Variants in TRAK2 observed in about 807,000 individuals in gnomAD.
TRAK2 encodes trafficking kinesin protein 2, also known as trafficking kinesin-binding protein 2.
Under a neutral mutation model 104.6 loss-of-function variants are expected in TRAK2, and 81 were observed. The observed-to-expected ratio is 0.77, with a 90% CI of 0.65 to 0.93. TRAK2 has a LOEUF of 0.93. TRAK2 is among the 40% of genes least tolerant of loss of function. TRAK2 has a pLI of 0.00. For synonymous variants in TRAK2, 406 were observed against 394.4 expected (o/e 1.03, Z -0.35); for missense variants, 1,002 against 1,089.0 (o/e 0.92, Z 1.12).
chr2:201,400,102 C>T (rs1285137126), intron 4 of TRAK2, among the ~76,000 whole-genome samples: 1 of 150,122 alleles, frequency 6.7e-6, no homozygotes, highest in Non-Finnish European at 1.5e-5. Context: ...AGGATTCTGC[C>T]TAGAGTATAG....
chr2:201,411,521 A>G (rs1951647081), intron 2 of TRAK2: 1 of 747,280 alleles, frequency 1.3e-6, no homozygotes, highest in African/African-American at 1.7e-5. Flanking sequence ...TCTTATGTTC[A>G]GACTCCAACC....
chr2:201,443,834 T>C lies in TRAK2; in HGVS notation c.-200+7516A>G, dbSNP rs146447079. Among the ~76,000 whole-genome samples the C allele has an allele frequency of 1.5e-3, 225 of 152,298 alleles. 7 individuals are homozygous for C. The East Asian group carries it at 0.038, about 26-fold the overall frequency. On this transcript the variant is annotated intron_variant, in intron 1 of 15. Transcript: ENST00000332624. The stretch of plus-strand genomic sequence containing the variant: ...CCTAACAAGGCTCCATGCTTAATCA[T>C]GGCCTTAAACAGGGTTCTTCTCCAT...
intron 2 of TRAK2, chr2:201,411,770 G>A: frequency 3.8e-6 from 3 of 791,080 alleles, no homozygotes; most frequent in Non-Finnish European, 7.0e-6. Flanking sequence ...ACTTATCCAA[G>A]TATTCCAAAA....
chr2:201,398,381 A>C (rs1475759705), intron 5 of TRAK2, 27 bp from the exon 6 acceptor site: 2 of 1,586,182 alleles, frequency 1.3e-6, no homozygotes, highest in South Asian at 2.2e-5. Flanking sequence ...CTTGATTTTC[A>C]TGTTCTTTAT....
At chr2:201,395,504 TATGACTTGTG>T in intron 7 of TRAK2, 60 bp from the exon 8 acceptor site, 1 of 1,442,956 alleles carries the variant, frequency 6.9e-7, no homozygotes. Context: ...GTTGGCAAAC[TATGACTTGTG>T]AGCTAAATCT....
intron 4 of TRAK2, among the ~76,000 whole-genome samples, chr2:201,400,748 A>T (rs913881608): frequency 3.3e-5 from 5 of 150,326 alleles, no homozygotes; most frequent in African/African-American, 1.2e-4. Flanking sequence ...TTTTAAAATG[A>T]TTTTTTTTTT....
chr2:201,384,010 T>C, intron 15 of TRAK2, 101 bp downstream of exon 15: 1 of 771,100 alleles, frequency 1.3e-6, no homozygotes, highest in Non-Finnish European at 2.2e-6. Flanking sequence ...AGAACATTAA[T>C]TAACATTCTG....
chr2:201,384,541 G>A (rs759422232), intron 14 of TRAK2, among the ~76,000 whole-genome samples: 1 of 152,084 alleles, frequency 6.6e-6, no homozygotes, highest in African/African-American at 2.4e-5. Context: ...GGTTCTCAAA[G>A]TGTGGTCTGC....
At chr2:201,394,983 T>G (rs1182065582) in intron 8 of TRAK2, 111 bp from the exon 9 acceptor site, 1 of 944,472 alleles carries the variant, frequency 1.1e-6, no homozygotes, top group African/African-American at 1.7e-5. Flanking sequence ...TCTTAAAGCC[T>G]ACAAAAAGCT....
chr2:201,434,149 G>A (rs1310405033), intron 1 of TRAK2, among the ~76,000 whole-genome samples: 1 of 152,024 alleles, frequency 6.6e-6, no homozygotes, highest in Non-Finnish European at 1.5e-5. Context: ...AGTAGAGACG[G>A]GGTTTCACCG....
In TRAK2 at chr2:201,380,604, C is replaced by G; in HGVS notation, c.2684G>C (p.Gly895Ala). Residue 895 changes from glycine to alanine, a missense_variant, in exon 16 of 16, where the codon GGT becomes GCT. Transcript: ENST00000332624. ...TGTGCAAACTGGGGCAGCAAAGCTA[C>G]CCATTATGACTGGAAGACTCTGATT... ...RRNQSLPVIM[G>A]SFAAPVCTSS... 1 of 1,613,960 alleles carries G rather than the reference C, an allele frequency of 6.2e-7. No individual in the cohort carries two copies. The highest frequency in any genetic ancestry group is 1.1e-5 in the South Asian group (1 of 91,058).
At position 201,394,833 on chromosome 2, in the gene TRAK2, C is replaced by G. The variant is rs1395819486; in HGVS notation, c.940G>C (p.Ala314Pro). Residue 314 changes from alanine (A) to proline (P), a missense_variant, in exon 9 of 16, where the codon GCT (alanine) becomes CCT (proline). By Grantham distance (27) the Ala-to-Pro change is conservative. Coordinates refer to ENST00000332624, the MANE Select transcript of TRAK2 (RefSeq NM_015049.3). ...EKEELKLHLQ[A>P]SKDAQRQLTM... ...AGTTGCCGTTGGGCATCTTTGGAAG[C>G]TTGCAGGTGAAGTTTTAGTTCTTCC... The G allele has an allele frequency of 6.2e-7, 1 of 1,614,012 alleles. No homozygotes were observed.
At chr2:201,403,376 T>C (rs1170380557) in intron 3 of TRAK2, among the ~76,000 whole-genome samples, 1 of 152,148 alleles carries the variant, frequency 6.6e-6, no homozygotes, top group Non-Finnish European at 1.5e-5. Flanking sequence ...AATTTTAGTA[T>C]GGAGATGATA....
At chr2:201,387,420 T>C (rs911739028) in intron 13 of TRAK2, among the ~76,000 whole-genome samples, 1 of 152,214 alleles carries the variant, frequency 6.6e-6, no homozygotes, top group African/African-American at 2.4e-5. Context: ...GTCAATGATA[T>C]TCCTTAGCAA....
At chr2:201,428,827 G>A (rs966895613) in intron 1 of TRAK2, among the ~76,000 whole-genome samples, 2 of 152,100 alleles carry the variant, frequency 1.3e-5, no homozygotes, top group African/African-American at 2.4e-5. Context: ...ATTTGTTTGT[G>A]TCCTCTTTTA....
At chr2:201,438,512 T>C (rs1951895070) in intron 1 of TRAK2, among the ~76,000 whole-genome samples, 1 of 152,208 alleles carries the variant, frequency 6.6e-6, no homozygotes, top group Non-Finnish European at 1.5e-5. Context: ...TAGAGGTTAA[T>C]TACTTGTCCA....
chr2:201,394,488 C>G (rs916861067), intron 9 of TRAK2, among the ~76,000 whole-genome samples: 1 of 151,830 alleles, frequency 6.6e-6, no homozygotes, highest in Non-Finnish European at 1.5e-5. Flanking sequence ...TTACAGATGC[C>G]CACCACCATG....
chr2:201,423,711 T>C (rs1951762623), intron 1 of TRAK2: 1 of 152,210 alleles, frequency 6.6e-6, no homozygotes, highest in Non-Finnish European at 1.5e-5. Flanking sequence ...GTGGTTAAAA[T>C]GGCAAATTTT....
intron 10 of TRAK2, among the ~76,000 whole-genome samples, chr2:201,390,763 T>A (rs1951440344): frequency 6.6e-6 from 1 of 151,842 alleles, no homozygotes; most frequent in African/African-American, 2.4e-5. Flanking sequence ...TTTTTGCTTT[T>A]CTGTAATTTC....
Sources: gnomAD v4.1 joint callset for allele counts (sites outside exome capture counted in the v4.1 genomes callset) on GRCh38, gnomAD v4.1.1 for gene constraint, MANE v1.5 for transcripts, NCBI Gene and HGNC (gene_info 2026-07-23, HGNC 2026-07-21) for gene names.